Variants in KLF13 observed in about 807,000 individuals in gnomAD.
KLF13 encodes the protein KLF transcription factor 13.
In KLF13, 8 loss-of-function variants were observed where a neutral mutation model predicts 16.7. The ratio of observed to expected loss-of-function variants is 0.48; its 90% CI spans 0.28 to 0.87. KLF13 has a LOEUF of 0.87. KLF13 is among the 40% of genes least tolerant of loss of function. The pLI is 0.10. For synonymous variants in KLF13, 245 were observed against 208.4 expected, an observed-to-expected ratio of 1.18 and a Z score of -1.51; for missense variants, 447 against 452.2, an observed-to-expected ratio of 0.99 and a Z score of 0.10.
intron 1 of KLF13, among the ~76,000 whole-genome samples, chr15:31,363,381 A>G (rs2039418081): frequency 6.6e-6 from 1 of 152,244 alleles, no homozygotes; most frequent in South Asian, 2.1e-4. Flanking sequence ...CGTTTGTGAT[A>G]GGAGCTGCAA....
intron 1 of KLF13, among the ~76,000 whole-genome samples, chr15:31,332,600 C>T (rs2140931017): frequency 6.6e-6 from 1 of 152,342 alleles, no homozygotes; most frequent in Admixed American, 6.5e-5. Flanking sequence ...GTGTCTGGGG[C>T]TTCACATGTC....
chr15:31,413,222 C>A (rs2040218225), intron 1 of KLF13, among the ~76,000 whole-genome samples: 1 of 147,022 alleles, frequency 6.8e-6, no homozygotes, highest in South Asian at 2.2e-4. Context: ...AAAAAACCAG[C>A]CTCAGAGATA....
chr15:31,414,261 T>C (rs1187690321), intron 1 of KLF13, among the ~76,000 whole-genome samples: 4 of 151,838 alleles, frequency 2.6e-5, no homozygotes, highest in Non-Finnish European at 1.5e-5. Context: ...AAATGCTACA[T>C]TAGAAAATAT....
At chr15:31,352,910 G>A (rs989280473) in intron 1 of KLF13, among the ~76,000 whole-genome samples, 8 of 152,156 alleles carry the variant, frequency 5.3e-5, no homozygotes, top group Non-Finnish European at 1.2e-4. Context: ...TGTGGGGAGG[G>A]CAGTTTCTTG....
At position 31,397,132 on chromosome 15, in the gene KLF13, C is replaced by G. The variant is rs569501006; in HGVS notation, n.529+3441C>G. On this transcript the variant is annotated intron_variant and non_coding_transcript_variant, in intron 2 of 2. Transcript: ENST00000500533. The stretch of plus-strand genomic sequence containing the variant: ...TTTGACTTTGCCACAGGAACATTTG[C>G]CAGGGGTCATTTCCCAGGCGGAAAT... Among the ~76,000 whole-genome samples the G allele has an allele frequency of 2.6e-4, 40 of 151,672 alleles. No homozygotes were observed. In the South Asian group the frequency reaches 8.3e-3, roughly 32 times the overall value.
At position 31,350,417 on chromosome 15, in the gene KLF13, C is replaced by T. The variant is rs72722831; in HGVS notation, c.578-21593C>T. 3.8e-3 allele frequency among the ~76,000 whole-genome samples: 582 copies of T among 152,350 alleles called. 2 individuals carry two copies. The highest frequency in any genetic ancestry group is 6.3e-3 in the Non-Finnish European group (428 of 68,036). ...AGCTGAGCAGGTGGACACCTGTGAA[C>T]TTCATCTCATTACAGATCTCAAAGG... On this transcript the variant is annotated intron_variant, in intron 1 of 1. Transcript: ENST00000307145.
chr15:31,336,759 G>A (rs1467523698), intron 1 of KLF13, among the ~76,000 whole-genome samples: 1 of 152,110 alleles, frequency 6.6e-6, no homozygotes, highest in Non-Finnish European at 1.5e-5. Context: ...GAGGGCATGG[G>A]TCCAGCAGGT....
At chr15:31,359,104 T>G (rs572590094) in intron 1 of KLF13, among the ~76,000 whole-genome samples, 2 of 152,318 alleles carry the variant, frequency 1.3e-5, no homozygotes, top group African/African-American at 4.8e-5. Context: ...GGAGAAGGCC[T>G]TCACTTGCAC....
chr15:31,382,669 G>A (rs7162114), downstream of KLF13, among the ~76,000 whole-genome samples: 71 of 152,284 alleles, frequency 4.7e-4, no homozygotes, highest in African/African-American at 1.6e-3. Flanking sequence ...CTAAAAAGAT[G>A]AGCAAGCTGC....
At position 31,327,524 on chromosome 15, in the gene KLF13, G is replaced by C; in HGVS notation, c.312G>C (p.Glu104Asp). The C allele has an allele frequency of 8.9e-7, 1 of 1,119,162 alleles. No individual in the cohort carries two copies. The highest frequency in any genetic ancestry group is 1.7e-5 in the African/African-American group (1 of 59,908). 69.3% of individuals were successfully genotyped at this position (1,119,162 alleles called of 1,614,324 possible). A position where few individuals can be genotyped will look rare whatever the true frequency, so the allele number is the denominator to read the frequency against. ...TPCRLPPPAP[E>D]PTSPGAEGAA... is the part of the protein sequence containing the mutation. ...GCCGCCTGCCGCCGCCCGCCCCCGA[G>C]CCCACCTCCCCCGGCGCCGAAGGCG... The change falls in exon 1 of 2, where the codon GAG becomes GAC. Residue 104 changes from glutamate to aspartate, a missense_variant. Coordinates refer to ENST00000307145, the MANE Select transcript of KLF13 (RefSeq NM_015995.4).
chr15:31,423,109 A>ATATATACG (rs2040352224), intron 1 of KLF13, among the ~76,000 whole-genome samples: 1 of 124,550 alleles, frequency 8.0e-6, no homozygotes, highest in East Asian at 2.1e-4. Context: ...ACGTATACGT[A>ATATATACG]TACGTATATA....
intron 1 of KLF13, among the ~76,000 whole-genome samples, chr15:31,432,814 A>G (rs2040489611): frequency 6.6e-6 from 1 of 152,058 alleles, no homozygotes; most frequent in African/African-American, 2.4e-5. Context: ...ATATTTTTGT[A>G]TTATTATAAA....
downstream of KLF13, among the ~76,000 whole-genome samples, chr15:31,382,895 T>G (rs2039744934): frequency 6.6e-6 from 1 of 152,198 alleles, no homozygotes; most frequent in Non-Finnish European, 1.5e-5. Context: ...TACAAGCACA[T>G]GATAGGCCCA....
At chr15:31,402,662 G>A (rs1484003040) in intron 2 of KLF13, among the ~76,000 whole-genome samples, 1 of 152,190 alleles carries the variant, frequency 6.6e-6, no homozygotes, top group African/African-American at 2.4e-5. Context: ...AGCAGCAGCT[G>A]CTGCACAGAG....
chr15:31,399,864 G>A (rs559383233), intron 2 of KLF13, among the ~76,000 whole-genome samples: 6 of 152,248 alleles, frequency 3.9e-5, no homozygotes, highest in Admixed American at 2.0e-4. Context: ...TCTGGGCTCC[G>A]GGGCTTCTGC....
intron 1 of KLF13, among the ~76,000 whole-genome samples, chr15:31,343,089 C>T (rs889901585): frequency 1.3e-5 from 2 of 152,212 alleles, no homozygotes; most frequent in African/African-American, 2.4e-5. Context: ...GAGAGGAGGA[C>T]GCCGAGGCAC....
intron 1 of KLF13, among the ~76,000 whole-genome samples, chr15:31,418,085 C>T (rs1011859266): frequency 6.6e-6 from 1 of 152,070 alleles, no homozygotes; most frequent in Non-Finnish European, 1.5e-5. Context: ...CAAAATAGAG[C>T]CTATGACAGA....
At chr15:31,383,888 C>CGA (rs1237044811) in intron 1 of KLF13, among the ~76,000 whole-genome samples, 3 of 151,356 alleles carry the variant, frequency 2.0e-5, no homozygotes, top group Non-Finnish European at 1.5e-5. Context: ...GGCAACAGAG[C>CGA]GAGACTCCGT....
upstream of KLF13, among the ~76,000 whole-genome samples, chr15:31,391,704 C>T (rs1271493408): frequency 7.2e-6 from 1 of 139,160 alleles, no homozygotes; most frequent in Non-Finnish European, 1.6e-5. Context: ...TGTGGGGGCT[C>T]TGTAGGGGGG....
Sources: gnomAD v4.1 joint callset for allele counts (sites outside exome capture counted in the v4.1 genomes callset) on GRCh38, gnomAD v4.1.1 for gene constraint, MANE v1.5 for transcripts, NCBI Gene and HGNC (gene_info 2026-07-23, HGNC 2026-07-21) for gene names.